RYR3: variants seen among roughly 807,000 people sequenced by gnomAD.
The protein encoded by RYR3 is ryanodine receptor 3, also known as brain ryanodine receptor-calcium release channel.
A neutral mutation model predicts 584.3 loss-of-function variants in RYR3; 207 were observed. The observed-to-expected ratio is 0.35, with a 90% CI of 0.32 to 0.40. The LOEUF is 0.40. RYR3 is among the 10% of genes least tolerant of loss of function. The pLI, the probability that RYR3 is intolerant of heterozygous loss-of-function variation, is 1.00. For synonymous variants in RYR3, 2,416 were observed against 2,248.5 expected (o/e 1.07, Z -2.11); for missense variants, 5,616 against 6,089.2 (o/e 0.92, Z 2.59).
intron 21 of RYR3, among the ~76,000 whole-genome samples, chr15:33,628,940 G>A (rs1275093182): frequency 2.6e-5 from 4 of 152,294 alleles, no homozygotes; most frequent in South Asian, 2.1e-4. Flanking sequence ...GAGGAGGATA[G>A]GGAATCTTTC....
At chr15:33,854,542 G>T in intron 97 of RYR3, 93 bp downstream of exon 97, 2 of 1,161,422 alleles carry the variant, frequency 1.7e-6, no homozygotes, top group South Asian at 1.5e-5. Context: ...AAGGGTTCAG[G>T]GATTGCTTAT....
intron 82 of RYR3, 117 bp downstream of exon 82, chr15:33,825,793 C>A (rs555639518): frequency 3.2e-6 from 2 of 633,490 alleles, no homozygotes; most frequent in East Asian, 2.9e-5. Context: ...ACTGCAGTGG[C>A]GCGATCTCAC....
chr15:33,321,571 C>T (rs1968968948), intron 1 of RYR3, among the ~76,000 whole-genome samples: 1 of 152,158 alleles, frequency 6.6e-6, no homozygotes, highest in Non-Finnish European at 1.5e-5. Context: ...TGTAGAAGGG[C>T]CCATGGACAG....
chr15:33,662,848 A>G lies in RYR3; in HGVS notation c.5318A>G (p.Gln1773Arg), dbSNP rs1253604633. The G allele has an allele frequency of 1.2e-5, 19 of 1,613,868 alleles. No individual in the cohort carries two copies. The highest frequency in any genetic ancestry group is 1.6e-5 in the Non-Finnish European group (19 of 1,179,880). Residue 1773 changes from glutamine to arginine, a missense_variant, in exon 35 of 104, where the codon CAG becomes CGG. By Grantham distance (43) the Gln-to-Arg change is conservative. Transcript: ENST00000634891. ...EEGAEKEEVT[Q>R]VEEKAVEAGE... Reference sequence around the variant, plus strand: ...GGAGCAGAAAAGGAGGAAGTGACCCAGGTGGAGGAGAAGGCTGTGGAGGCT... The same window carrying G: ...GGAGCAGAAAAGGAGGAAGTGACCCGGGTGGAGGAGAAGGCTGTGGAGGCT...
At chr15:33,336,440 A>AGAG (rs1971001110) in intron 1 of RYR3, among the ~76,000 whole-genome samples, 1 of 12,140 alleles carries the variant, frequency 8.2e-5, no homozygotes, top group Non-Finnish European at 1.2e-4. Context: ...GAAAGAAAGA[A>AGAG]AGAGAGAGAG....
chr15:33,717,737 A>C (rs1002144863), intron 43 of RYR3, among the ~76,000 whole-genome samples: 1 of 152,312 alleles, frequency 6.6e-6, no homozygotes, highest in Admixed American at 6.5e-5. Flanking sequence ...GCAGGTCCAC[A>C]GGTCTGCGGG....
chr15:33,670,478 T>C lies in RYR3; in HGVS notation c.5782T>C (p.Cys1928Arg), dbSNP rs1489330655. 2 of 1,610,342 alleles carry C rather than the reference T, an allele frequency of 1.2e-6. No homozygotes were observed. Among genetic ancestry groups the C allele is most frequent in the Middle Eastern group, 1.7e-4 (1 of 6,026 alleles). Residue 1928 changes from cysteine (C) to arginine (R), a missense_variant, in exon 38 of 104, where the codon TGT (cysteine) becomes CGT (arginine). Cys to Arg is a radical substitution (Grantham distance 180, BLOSUM62 -3). Coordinates refer to ENST00000634891, the MANE Select transcript of RYR3 (RefSeq NM_001036.6). ...GGACACCTCCTGGACAGGAAAACTCTGTGCCTTGGTTTACAAAATCAAAGG... is the reference window on the plus strand; with the variant it reads ...GGACACCTCCTGGACAGGAAAACTCCGTGCCTTGGTTTACAAAATCAAAGG... ...EEDTSWTGKLCALVYKIKGPP... is the reference protein window; with the variant it reads ...EEDTSWTGKLRALVYKIKGPP...
chr15:33,739,501 CAAGTT>C (rs2069851055), intron 50 of RYR3, among the ~76,000 whole-genome samples: 2 of 145,968 alleles, frequency 1.4e-5, no homozygotes, highest in Non-Finnish European at 3.0e-5. Flanking sequence ...CCTTAGCAGA[CAAGTT>C]TATAGTCACC....
At chr15:33,649,033 G>T (rs372606714) in intron 30 of RYR3, 39 bp from the exon 31 acceptor site, 4 of 1,577,498 alleles carry the variant, frequency 2.5e-6, no homozygotes, top group African/African-American at 1.3e-5. Flanking sequence ...CTGGATGGGG[G>T]CTGGGGGCCA....
At chr15:33,346,217 G>A (rs919173994) in intron 1 of RYR3, among the ~76,000 whole-genome samples, 12 of 152,234 alleles carry the variant, frequency 7.9e-5, no homozygotes, top group African/African-American at 2.9e-4. Context: ...GGCTGTGTGC[G>A]TGTATGTGTT....
chr15:33,810,784 A>G, intron 71 of RYR3, 135 bp downstream of exon 71: 2 of 1,150,638 alleles, frequency 1.7e-6, no homozygotes, highest in Non-Finnish European at 2.5e-6. Context: ...TATGGAGGCA[A>G]CACGCCCTCA....
chr15:33,840,292 G>C (rs995294858), intron 89 of RYR3, among the ~76,000 whole-genome samples: 8 of 152,230 alleles, frequency 5.3e-5, no homozygotes, highest in Admixed American at 2.0e-4. Flanking sequence ...CTGCGTGTTT[G>C]GGTGTGGGAC....
intron 1 of RYR3, among the ~76,000 whole-genome samples, chr15:33,366,109 T>G (rs1426311718): frequency 6.6e-6 from 1 of 152,210 alleles, no homozygotes; most frequent in African/African-American, 2.4e-5. Context: ...CTTACTAGAA[T>G]GCAAATTCTG....
intron 93 of RYR3, among the ~76,000 whole-genome samples, chr15:33,846,099 C>G (rs1431366952): frequency 4.6e-5 from 7 of 152,232 alleles, no homozygotes; most frequent in Admixed American, 4.6e-4. Context: ...CCCTCTTTCT[C>G]TCCAGGGAGA....
At chr15:33,758,626 A>G (rs2072106869) in intron 60 of RYR3, among the ~76,000 whole-genome samples, 1 of 152,230 alleles carries the variant, frequency 6.6e-6, no homozygotes. Flanking sequence ...CATCTCTGAA[A>G]GAAAGGAGGC....
intron 27 of RYR3, among the ~76,000 whole-genome samples, chr15:33,641,020 A>G (rs7178786): frequency 0.15 from 22,472 of 152,164 alleles, 3,486 homozygotes; most frequent in African/African-American, 0.39. Flanking sequence ...CTAGAGAGCC[A>G]TGTGGTGAGC....
intron 38 of RYR3, among the ~76,000 whole-genome samples, chr15:33,687,095 G>C (rs1237201978): frequency 6.6e-6 from 1 of 152,090 alleles, no homozygotes; most frequent in African/African-American, 2.4e-5. Flanking sequence ...AGAAATAAAG[G>C]GTATTCAATT....
intron 69 of RYR3, among the ~76,000 whole-genome samples, chr15:33,805,670 G>T (rs565179763): frequency 1.4e-4 from 21 of 151,462 alleles, no homozygotes; most frequent in African/African-American, 4.8e-4. Flanking sequence ...GTAGAGACAG[G>T]GTTTCACTGT....
chr15:33,492,062 C>T (rs554065079), intron 2 of RYR3, among the ~76,000 whole-genome samples: 18 of 152,266 alleles, frequency 1.2e-4, no homozygotes, highest in African/African-American at 4.3e-4. Flanking sequence ...TTTCTATTAC[C>T]ATTCTATTCA....
Sources: allele counts gnomAD v4.1 joint callset (sites outside exome capture counted in the v4.1 genomes callset), GRCh38; gene constraint gnomAD v4.1.1; transcripts MANE v1.5; gene names NCBI Gene and HGNC (gene_info 2026-07-23, HGNC 2026-07-21).